The following CWF19L2 variants were observed in gnomAD, a reference collection of about 807,000 sequenced individuals.
CWF19L2 encodes the protein CWF19 like cell cycle control factor 2.
In CWF19L2, 98 loss-of-function variants were observed where a neutral mutation model predicts 111.7. The ratio of observed to expected loss-of-function variants is 0.88; its 90% CI spans 0.75 to 1.04. The LOEUF is 1.04. Ranked by LOEUF, CWF19L2 falls within the 50% of genes least tolerant of loss-of-function variation. The probability of loss-of-function intolerance (pLI) is 0.00; values close to 1 mark genes in which losing one functional copy is unlikely to be tolerated. For synonymous variants in CWF19L2, 351 were observed against 342.9 expected (o/e 1.02, Z -0.26); for missense variants, 1,101 against 1,051.4 (o/e 1.05, Z -0.65).
At chr11:107,364,383 C>T (rs1180309086) in intron 12 of CWF19L2, among the ~76,000 whole-genome samples, 1 of 148,376 alleles carries the variant, frequency 6.7e-6, no homozygotes, top group Non-Finnish European at 1.5e-5. Flanking sequence ...TTTTTCAGCA[C>T]CACACCACAT....
In CWF19L2 at chr11:107,363,318, G is replaced by T. The variant is rs1443415261; in HGVS notation, c.1873-9582C>A. Among the ~76,000 whole-genome samples the T allele has an allele frequency of 2.0e-5, 3 of 152,092 alleles. No homozygotes were observed. The South Asian group carries it at 6.2e-4, about 32-fold the overall frequency. On this transcript the variant is annotated intron_variant, in intron 12 of 17. Transcript: ENST00000282251. ...CCAACGTTCAGATTCAGGAAGTACA[G>T]AGAATGCCACAAAGATACTCCTCGA...
chr11:107,455,003 G>A (rs1861833758), intron 2 of CWF19L2, among the ~76,000 whole-genome samples: 1 of 152,078 alleles, frequency 6.6e-6, no homozygotes, highest in Non-Finnish European at 1.5e-5. Context: ...TAAAATTATA[G>A]GAAGAGGCTA....
At chr11:107,415,504 C>T (rs960074821) in intron 10 of CWF19L2, among the ~76,000 whole-genome samples, 1 of 152,124 alleles carries the variant, frequency 6.6e-6, no homozygotes, top group Non-Finnish European at 1.5e-5. Flanking sequence ...GTTTTGTTCA[C>T]TAACAGATAG....
chr11:107,397,093 G>A (rs1237739354), intron 10 of CWF19L2, among the ~76,000 whole-genome samples: 1 of 152,168 alleles, frequency 6.6e-6, no homozygotes, highest in Non-Finnish European at 1.5e-5. Flanking sequence ...GGAGCAGGGA[G>A]TAAAACTCCA....
chr11:107,415,892 G>GT (rs1219131639), intron 10 of CWF19L2, among the ~76,000 whole-genome samples: 3 of 152,066 alleles, frequency 2.0e-5, no homozygotes, highest in Non-Finnish European at 2.9e-5. Context: ...GAGGTCAGGA[G>GT]TTTGAGACCA....
chr11:107,362,104 C>T (rs897890187), intron 12 of CWF19L2, among the ~76,000 whole-genome samples: 22 of 152,108 alleles, frequency 1.4e-4, no homozygotes, highest in African/African-American at 4.6e-4. Flanking sequence ...CCAAATATTG[C>T]GCTTTTCAGA....
At chr11:107,397,444 C>A (rs1448187193) in intron 10 of CWF19L2, among the ~76,000 whole-genome samples, 1 of 152,074 alleles carries the variant, frequency 6.6e-6, no homozygotes, top group East Asian at 1.9e-4. Context: ...CAGCCATAAT[C>A]CTAATAATAG....
At chr11:107,447,359 C>A (rs1861715371) in intron 3 of CWF19L2, among the ~76,000 whole-genome samples, 1 of 152,050 alleles carries the variant, frequency 6.6e-6, no homozygotes, top group South Asian at 2.1e-4. Context: ...AAAGAAAGAC[C>A]AAGCTGAACA....
chr11:107,454,411 C>T (rs958050325), intron 3 of CWF19L2, 39 bp downstream of exon 3: 2 of 1,272,108 alleles, frequency 1.6e-6, no homozygotes, highest in Non-Finnish European at 2.0e-6. Context: ...ATAAAATGTT[C>T]TCAAATAGCT....
At chr11:107,433,596 C>G in intron 7 of CWF19L2, 38 bp downstream of exon 7, 1 of 960,896 alleles carries the variant, frequency 1.0e-6, no homozygotes, top group Non-Finnish European at 1.5e-6. Flanking sequence ...TCACCTAATT[C>G]TGAAAATAAG....
chr11:107,402,795 G>C (rs1304541819), intron 10 of CWF19L2, among the ~76,000 whole-genome samples: 1 of 148,892 alleles, frequency 6.7e-6, no homozygotes, highest in Non-Finnish European at 1.5e-5. Context: ...GTTTATTGCA[G>C]CACAATTCAC....
chr11:107,450,381 G>C (rs1861761253), intron 3 of CWF19L2, among the ~76,000 whole-genome samples: 1 of 151,858 alleles, frequency 6.6e-6, no homozygotes, highest in Admixed American at 6.6e-5. Flanking sequence ...CAAATATCTG[G>C]AAATTTAAAA....
At chr11:107,425,884 A>T (rs1416776914) in intron 8 of CWF19L2, among the ~76,000 whole-genome samples, 2 of 151,840 alleles carry the variant, frequency 1.3e-5, no homozygotes, top group Non-Finnish European at 2.9e-5. Flanking sequence ...CACATTACAT[A>T]CTCCTCTAAG....
chr11:107,388,476 G>A (rs950923728), intron 12 of CWF19L2, among the ~76,000 whole-genome samples: 3 of 151,910 alleles, frequency 2.0e-5, no homozygotes, highest in African/African-American at 7.3e-5. Flanking sequence ...TCCACCTCCC[G>A]GGTTCCAGGG....
chr11:107,411,876 A>G (rs1429679040), intron 10 of CWF19L2, among the ~76,000 whole-genome samples: 1 of 152,160 alleles, frequency 6.6e-6, no homozygotes, highest in Admixed American at 6.5e-5. Context: ...GAGAGGGACA[A>G]AGGCAGAGAC....
chr11:107,342,402 T>C (rs1381988669), intron 14 of CWF19L2, among the ~76,000 whole-genome samples: 1 of 152,152 alleles, frequency 6.6e-6, no homozygotes, highest in Non-Finnish European at 1.5e-5. Flanking sequence ...AAACTTCTTT[T>C]TAAAGTTGTT....
chr11:107,446,995 C>T (rs1591210618), intron 3 of CWF19L2, among the ~76,000 whole-genome samples: 1 of 152,140 alleles, frequency 6.6e-6, no homozygotes, highest in African/African-American at 2.4e-5. Context: ...TTAACCACAC[C>T]TCTAATTCTA....
intron 10 of CWF19L2, among the ~76,000 whole-genome samples, chr11:107,402,871 G>GTA (rs767099135): frequency 0.046 from 2,628 of 56,832 alleles, 345 homozygotes; most frequent in African/African-American, 0.079. Flanking sequence ...AAACTGTGGT[G>GTA]TGTATATATA....
At chr11:107,360,581 T>C (rs939896183) in intron 12 of CWF19L2, among the ~76,000 whole-genome samples, 5 of 152,186 alleles carry the variant, frequency 3.3e-5, no homozygotes, top group African/African-American at 1.2e-4. Flanking sequence ...ATAGAGGCCG[T>C]ACCAATTTAC....
Sources: allele counts gnomAD v4.1 joint callset (sites outside exome capture counted in the v4.1 genomes callset), GRCh38; gene constraint gnomAD v4.1.1; transcripts MANE v1.5; gene names NCBI Gene and HGNC (gene_info 2026-07-23, HGNC 2026-07-21).